The following VPS37C variants were observed in gnomAD, a reference collection of about 807,000 sequenced individuals.
VPS37C encodes the protein vacuolar protein sorting-associated protein 37C.
Under a neutral mutation model 16.1 loss-of-function variants are expected in VPS37C, and 9 were observed. The observed-to-expected ratio is 0.56, with a 90% CI of 0.34 to 0.97. The LOEUF (loss-of-function observed/expected upper bound fraction) is 0.97. Ranked by LOEUF, VPS37C falls within the 50% of genes least tolerant of loss-of-function variation. VPS37C has a pLI of 0.02. For synonymous variants in VPS37C, 207 were observed against 206.4 expected (o/e 1.00, Z -0.02); for missense variants, 479 against 472.7 (o/e 1.01, Z -0.12).
At position 61,132,387 on chromosome 11, in the gene VPS37C, G is replaced by A. The variant is rs558890134; in HGVS notation, c.501C>T (p.Ala167=). 36 of 1,603,280 alleles carry A rather than the reference G, an allele frequency of 2.2e-5. No individual in the cohort carries two copies. Among genetic ancestry groups the A allele is most frequent in the African/African-American group, 4.0e-5 (3 of 74,650 alleles). Reference sequence around the variant, plus strand: ...GTGGACGGGGTGGAGGGGCATCGCCGGCCAGCTCCTGGGAAGCCCTGGGCT... The same window carrying A: ...GTGGACGGGGTGGAGGGGCATCGCCAGCCAGCTCCTGGGAAGCCCTGGGCT... ...VRKPRASQEL[A]GDAPPPRPPP... Residue 167 remains alanine (A), a synonymous_variant, in exon 5 of 5, where the codon GCC becomes GCT. Transcript: ENST00000301765.
intron 3 of VPS37C, 73 bp from the exon 4 acceptor site, chr11:61,133,410 CCT>C: frequency 6.9e-7 from 1 of 1,441,968 alleles, no homozygotes; most frequent in East Asian, 2.4e-5. Flanking sequence ...CTTTGCATAC[CCT>C]CTGTGTGCAT....
At chr11:61,154,657 AT>A (rs1422426708) in intron 1 of VPS37C, among the ~76,000 whole-genome samples, 30 of 152,238 alleles carry the variant, frequency 2.0e-4, no homozygotes, top group Non-Finnish European at 3.4e-4. Flanking sequence ...AATAAAAAAA[AT>A]ATTTGCAGAG....
chr11:61,154,854 C>G (rs1853354566), intron 1 of VPS37C, among the ~76,000 whole-genome samples: 1 of 152,172 alleles, frequency 6.6e-6, no homozygotes. Context: ...CCTGCAATCT[C>G]AGCACTTTGG....
chr11:61,133,978 G>C (rs377243146), intron 3 of VPS37C, 58 bp downstream of exon 3: 1 of 1,557,502 alleles, frequency 6.4e-7, no homozygotes, highest in Non-Finnish European at 8.7e-7. Context: ...CTGGGAACAC[G>C]GTGGGCCTCC....
chr11:61,144,987 G>A (rs759002559), intron 1 of VPS37C: 3 of 152,180 alleles, frequency 2.0e-5, no homozygotes, highest in Non-Finnish European at 4.4e-5. Flanking sequence ...GTTCGTTTTG[G>A]GACTCAACTT....
chr11:61,133,238 T>C lies in VPS37C; in HGVS notation c.348+17A>G. On this transcript the variant is annotated intron_variant, in intron 4 of 4. Coordinates refer to ENST00000301765, the MANE Select transcript of VPS37C (RefSeq NM_017966.5). The stretch of plus-strand genomic sequence containing the variant: ...ACACCCCGTCCAGGGAAGAGGGGTG[T>C]CGCCTCGCCCTCTCACCTCGGACTC... 1 of 1,613,444 alleles carries C rather than the reference T, an allele frequency of 6.2e-7. No homozygotes were observed. The highest frequency in any genetic ancestry group is 8.5e-7 in the Non-Finnish European group (1 of 1,179,682).
chr11:61,146,702 G>C (rs1490554502), intron 1 of VPS37C, among the ~76,000 whole-genome samples: 2 of 152,236 alleles, frequency 1.3e-5, no homozygotes, highest in Non-Finnish European at 2.9e-5. Context: ...AACAAGGTGA[G>C]AAAGCTATGC....
chr11:61,153,102 G>A (rs1590794113), intron 1 of VPS37C, among the ~76,000 whole-genome samples: 1 of 152,212 alleles, frequency 6.6e-6, no homozygotes, highest in East Asian at 1.9e-4. Flanking sequence ...CATATAAGGT[G>A]ATATGGTTTG....
Position 61,131,975 on chromosome 11 carries a change from T to C in VPS37C, c.913A>G (p.Thr305Ala). The C allele has an allele frequency of 7.6e-7, 1 of 1,312,468 alleles. No homozygotes were observed. Among genetic ancestry groups the C allele is most frequent in the Non-Finnish European group, 9.8e-7 (1 of 1,024,208 alleles). The allele number at this position is 1,312,468 out of a possible 1,614,324, so 81.3% of individuals were successfully genotyped here. ...ATTGGGTAGGGAGGTTTTCCTCCTG[T>C]TGCGGGGTATGGGGACTGTTGAGGA... ...GYPQQSPYPA[T>A]GGKPPYPIQP... The change falls in exon 5 of 5, where the codon ACA becomes GCA. Residue 305 changes from threonine to alanine, a missense_variant. By Grantham distance (58) the Thr-to-Ala change is moderately conservative. Transcript: ENST00000301765.
intron 2 of VPS37C, among the ~76,000 whole-genome samples, chr11:61,135,731 T>C (rs1378008474): frequency 6.6e-6 from 1 of 152,146 alleles, no homozygotes; most frequent in Non-Finnish European, 1.5e-5. Context: ...TCAATCTAAT[T>C]TTTATTAGCC....
At chr11:61,134,591 A>G (rs374356606) in intron 2 of VPS37C, among the ~76,000 whole-genome samples, 2 of 152,354 alleles carry the variant, frequency 1.3e-5, no homozygotes, top group African/African-American at 4.8e-5. Flanking sequence ...CCAATTACTT[A>G]TCCCCAAGCT....
intron 1 of VPS37C, 149 bp downstream of exon 1, chr11:61,161,242 C>T (rs1590798493): frequency 6.6e-6 from 1 of 152,036 alleles, no homozygotes; most frequent in South Asian, 2.1e-4. Flanking sequence ...GCGAGAGTCA[C>T]GCGCCCCTCG....
chr11:61,149,572 C>T (rs571575938), intron 1 of VPS37C, among the ~76,000 whole-genome samples: 1 of 152,150 alleles, frequency 6.6e-6, no homozygotes, highest in African/African-American at 2.4e-5. Flanking sequence ...GTCAACTGTG[C>T]CAGGCGGCCA....
At chr11:61,133,829 A>G (rs1490253909) in intron 3 of VPS37C, among the ~76,000 whole-genome samples, 3 of 152,076 alleles carry the variant, frequency 2.0e-5, no homozygotes, top group Non-Finnish European at 2.9e-5. Flanking sequence ...AATTCCACCT[A>G]TTTCTAAGCT....
At chr11:61,133,470 G>A in intron 3 of VPS37C, 133 bp from the exon 4 acceptor site, 2 of 867,734 alleles carry the variant, frequency 2.3e-6, no homozygotes, top group Non-Finnish European at 3.5e-6. Context: ...CCTTCTGGGT[G>A]GGCTTGATGA....
chr11:61,132,108 C>A lies in VPS37C; in HGVS notation c.780G>T (p.Trp260Cys). The A allele has an allele frequency of 7.0e-7, 1 of 1,426,874 alleles. No homozygotes were observed. 88.4% of individuals were successfully genotyped at this position (1,426,874 alleles called of 1,614,324 possible). ...GGGGTGGCATGCTCCTCTGTGGGGA[C>A]CAGGAGTAACCCGCAGCACCCCTGG... is the stretch of plus-strand genomic sequence containing the variant. ...LGPRGAAGYS[W>C]SPQRSMPPRP... is the part of the protein sequence containing the mutation. The change falls in exon 5 of 5, where the codon TGG becomes TGT. Residue 260 changes from tryptophan to cysteine, a missense_variant. Coordinates refer to ENST00000301765, the MANE Select transcript of VPS37C (RefSeq NM_017966.5).
chr11:61,143,380 T>G (rs1460283844), intron 1 of VPS37C: 2 of 136,528 alleles, frequency 1.5e-5, no homozygotes, highest in East Asian at 4.2e-4. Flanking sequence ...TTTTTTTTTT[T>G]TTTTTTTTTT....
chr11:61,135,207 T>C (rs541617019), intron 2 of VPS37C, among the ~76,000 whole-genome samples: 3 of 152,256 alleles, frequency 2.0e-5, no homozygotes, highest in African/African-American at 4.8e-5. Context: ...CCACGAGACA[T>C]AGGAAGCCCG....
chr11:61,132,634 T>C, intron 4 of VPS37C, 95 bp from the exon 5 acceptor site: 2 of 1,482,344 alleles, frequency 1.3e-6, no homozygotes, highest in Non-Finnish European at 1.8e-6. Context: ...CCCTCCCACC[T>C]CACGCCGCCT....
Sources: gnomAD v4.1 joint callset for allele counts (sites outside exome capture counted in the v4.1 genomes callset) on GRCh38, gnomAD v4.1.1 for gene constraint, MANE v1.5 for transcripts, NCBI Gene and HGNC (gene_info 2026-07-23, HGNC 2026-07-21) for gene names.